Variants in ITSN2 observed in about 807,000 individuals in gnomAD.
The protein encoded by ITSN2 is intersectin 2, also known as intersectin-2.
ITSN2 carries 156 observed loss-of-function variants against 243.7 expected under a neutral mutation model. The ratio of observed to expected loss-of-function variants is 0.64; its 90% CI spans 0.56 to 0.73. The LOEUF (loss-of-function observed/expected upper bound fraction) is 0.73, where lower values mean the gene tolerates loss of function less well. Ranked by LOEUF, ITSN2 falls within the 30% of genes least tolerant of loss-of-function variation. The pLI is 0.00. For synonymous variants in ITSN2, 703 were observed against 699.9 expected, an observed-to-expected ratio of 1.00 and a Z score of -0.07; for missense variants, 1,801 against 1,996.1, an observed-to-expected ratio of 0.90 and a Z score of 1.86.
At chr2:24,306,020 C>T (rs1476060961) in intron 8 of ITSN2, among the ~76,000 whole-genome samples, 2 of 152,126 alleles carry the variant, frequency 1.3e-5, no homozygotes, top group African/African-American at 2.4e-5. Context: ...AGTTCTGTCA[C>T]CCAGGCTGGA....
rs976479760 is a variant in ITSN2 at position 24,204,096 on chromosome 2, C to T, written c.4936+149G>A. On this transcript the variant is annotated intron_variant, in intron 39 of 39. Transcript: ENST00000355123. This position sits in a 1 kb window ranked among gnomAD's most constrained non-coding sequence, Gnocchi z 5.1. ...CCACCTCCTCCCCTGAGGAAGGCCA[C>T]CCACCTGCTGCCAAAGCGAGATGAC... 4 of 785,900 alleles carry T rather than the reference C, an allele frequency of 5.1e-6. No individual in the cohort carries two copies. The highest frequency in any genetic ancestry group is 3.5e-5 in the South Asian group (2 of 56,468). 48.7% of individuals were successfully genotyped at this position (785,900 alleles called of 1,614,324 possible).
intron 15 of ITSN2, among the ~76,000 whole-genome samples, chr2:24,291,722 T>G (rs1680283404): frequency 6.6e-6 from 1 of 152,070 alleles, no homozygotes; most frequent in African/African-American, 2.4e-5. Context: ...TCTCTTGACC[T>G]CGTGATCCGC....
At chr2:24,287,472 T>C (rs948110009) in intron 15 of ITSN2, among the ~76,000 whole-genome samples, 1 of 152,274 alleles carries the variant, frequency 6.6e-6, no homozygotes, top group Middle Eastern at 3.4e-3. Flanking sequence ...TATTTGTCTT[T>C]CTGTAACTGA....
chr2:24,293,103 C>T (rs1196865430), intron 15 of ITSN2, among the ~76,000 whole-genome samples: 1 of 152,078 alleles, frequency 6.6e-6, no homozygotes, highest in Non-Finnish European at 1.5e-5. Flanking sequence ...TCAGTTTTCT[C>T]ATTGGGACCT....
rs899366724 is a variant in ITSN2, at chr2:24,211,249, G to T, written c.4090-302C>A. 6.6e-6 allele frequency among the ~76,000 whole-genome samples: 1 copy of T among 152,108 alleles called. No individual in the cohort carries two copies. The highest frequency in any genetic ancestry group is 2.1e-4 in the South Asian group (1 of 4,830). The stretch of plus-strand genomic sequence containing the variant: ...TCCCGGTAATAGGCGGGAGCCTCCC[G>T]ACTCCTTCCGAAATTTAAGCCATGT... On this transcript the variant is annotated intron_variant, in intron 33 of 39. Transcript: ENST00000355123. The surrounding 1 kb of genome is among the most constrained non-coding windows in gnomAD (Gnocchi z 4.1).
chr2:24,284,783 T>C lies in ITSN2; in HGVS notation c.1924A>G (p.Asn642Asp), dbSNP rs1679250314. 6.2e-7 allele frequency: 1 copy of C among 1,600,264 alleles called. No individual in the cohort carries two copies. The highest frequency in any genetic ancestry group is 8.6e-7 in the Non-Finnish European group (1 of 1,167,774). The change falls in exon 17 of 40, where the codon AAC becomes GAC. Residue 642 changes from asparagine (N) to aspartate (D), a missense_variant. By Grantham distance (23) the Asn-to-Asp change is conservative. Coordinates refer to ENST00000355123, the MANE Select transcript of ITSN2 (RefSeq NM_006277.3). ...CLLSLLSCLN[N>D]LFLLLKELRE... is the part of the protein sequence containing the mutation. ...ATAACCTTAAGTAAGAGGAAGAGGT[T>C]GTTGAGACAGCTTAGCAGAGACAAA...
chr2:24,329,918 C>G (rs979651027), intron 1 of ITSN2, among the ~76,000 whole-genome samples: 1 of 152,172 alleles, frequency 6.6e-6, no homozygotes, highest in Non-Finnish European at 1.5e-5. Context: ...ATACTGCAAA[C>G]AAATATAACA....
At chr2:24,216,418 C>A in intron 31 of ITSN2, 186 bp from the exon 32 acceptor site, 1 of 452,514 alleles carries the variant, frequency 2.2e-6, no homozygotes, top group Non-Finnish European at 3.9e-6. Context: ...TCAAGCCAAC[C>A]GGGGTGTGAT....
At chr2:24,291,965 C>T (rs752128855) in intron 15 of ITSN2, among the ~76,000 whole-genome samples, 17 of 152,112 alleles carry the variant, frequency 1.1e-4, no homozygotes, top group Non-Finnish European at 2.2e-4. Flanking sequence ...TTGTACCATC[C>T]TGGGTAACTA....
chr2:24,221,252 C>G (rs1041301591), intron 29 of ITSN2, 186 bp from the exon 30 acceptor site: 3 of 564,938 alleles, frequency 5.3e-6, no homozygotes, highest in African/African-American at 2.0e-5. Flanking sequence ...TGAGCCGGCA[C>G]TCACAGCTCC....
chr2:24,240,091 TTAGA>T (rs1338065636), intron 29 of ITSN2: 3 of 152,122 alleles, frequency 2.0e-5, no homozygotes, highest in Non-Finnish European at 4.4e-5. Flanking sequence ...CATCAATGTA[TTAGA>T]TAAACTCAGT....
chr2:24,212,516 G>T, intron 33 of ITSN2, 134 bp downstream of exon 33: 1 of 636,284 alleles, frequency 1.6e-6, no homozygotes. Context: ...CCGGGACAGT[G>T]GGATCACTTG....
chr2:24,209,672 T>C (rs980737311), intron 35 of ITSN2, 146 bp downstream of exon 35: 18 of 643,756 alleles, frequency 2.8e-5, no homozygotes, highest in Non-Finnish European at 2.7e-6. Context: ...GCCCTTCCCG[T>C]GGGAAGCAGC....
chr2:24,278,645 CTTTTTTTTT>C (rs908928502), intron 17 of ITSN2, among the ~76,000 whole-genome samples: 2 of 103,004 alleles, frequency 1.9e-5, no homozygotes, highest in African/African-American at 4.2e-5. Context: ...TGTTCTCAAT[CTTTTTTTTT>C]TTTTTTTTTT....
intron 29 of ITSN2, among the ~76,000 whole-genome samples, chr2:24,226,989 G>C (rs916091499): frequency 2.0e-5 from 3 of 152,108 alleles, no homozygotes; most frequent in East Asian, 1.9e-4. Flanking sequence ...GGTGGCGTCT[G>C]CCTGTAGTCC....
At chr2:24,345,151 C>T (rs1465857542) in intron 1 of ITSN2, among the ~76,000 whole-genome samples, 1 of 152,166 alleles carries the variant, frequency 6.6e-6, no homozygotes, top group East Asian at 1.9e-4. Context: ...GAACTAGCCA[C>T]ATTTCAAGTG....
At position 24,248,849 on chromosome 2, in the gene ITSN2, T is replaced by A; in HGVS notation, c.3154A>T (p.Asn1052Tyr). ...CTACTATACGTACCAGGTTTTTTATTTGATGCTCCAGACTTGCTAGCACTC... is the reference window on the plus strand; with the variant it reads ...CTACTATACGTACCAGGTTTTTTATATGATGCTCCAGACTTGCTAGCACTC... ...FGSASKSGAS[N>Y]KKPEIAQVTS... The change falls in exon 26 of 40, where the codon AAT (asparagine) becomes TAT (tyrosine). Residue 1052 changes from asparagine (N) to tyrosine (Y), a missense_variant. By Grantham distance (143) the Asn-to-Tyr change is moderately radical. This residue lies in a region of ITSN2 where 928 missense variants were observed against 1,065.4 expected (regional missense o/e 0.87). Transcript: ENST00000355123. 2 of 1,613,842 alleles carry A rather than the reference T, an allele frequency of 1.2e-6. No homozygotes were observed. The highest frequency in any genetic ancestry group is 1.7e-6 in the Non-Finnish European group (2 of 1,179,798).
At chr2:24,289,765 A>C (rs953459290) in intron 15 of ITSN2, among the ~76,000 whole-genome samples, 2 of 152,158 alleles carry the variant, frequency 1.3e-5, no homozygotes, top group Non-Finnish European at 2.9e-5. Context: ...ACAAATTCAT[A>C]AACTTTCTTA....
At position 24,243,434 on chromosome 2, in the gene ITSN2, G is replaced by A. The variant is rs553030104; in HGVS notation, c.3577+2695C>T. On this transcript the variant is annotated intron_variant, in intron 29 of 39. Coordinates refer to ENST00000355123, the MANE Select transcript of ITSN2 (RefSeq NM_006277.3). ...CACATAGGAGCTATAAAATCATTGC[G>A]TAGGTCAATAATGACCGAAAGACGA... is the stretch of plus-strand genomic sequence containing the variant. Among the ~76,000 whole-genome samples the A allele has an allele frequency of 5.9e-5, 9 of 151,944 alleles. No individual in the cohort carries two copies. In the South Asian group the frequency reaches 8.3e-4, roughly 14 times the overall value.
Sources: gnomAD v4.1 joint callset for allele counts (sites outside exome capture counted in the v4.1 genomes callset) on GRCh38, gnomAD v4.1.1 for gene constraint, gnomAD v4.1.1 regional missense constraint, Gnocchi (gnomAD v3.1) non-coding constraint, MANE v1.5 for transcripts, NCBI Gene and HGNC (gene_info 2026-07-23, HGNC 2026-07-21) for gene names.